The following MYO3A variants were observed in gnomAD, a reference collection of about 807,000 sequenced individuals.
The protein encoded by MYO3A is myosin-IIIa.
Under a neutral mutation model 192.7 loss-of-function variants are expected in MYO3A, and 180 were observed. The observed-to-expected ratio is 0.93, with a 90% CI of 0.83 to 1.06. The LOEUF (loss-of-function observed/expected upper bound fraction) is 1.06, where lower values mean the gene tolerates loss of function less well. Ranked by LOEUF, MYO3A falls within the 50% of genes least tolerant of loss-of-function variation. The pLI is 0.00. For synonymous variants in MYO3A, 628 were observed against 645.3 expected, an observed-to-expected ratio of 0.97 and a Z score of 0.41; for missense variants, 1,896 against 1,905.0, an observed-to-expected ratio of 1.00 and a Z score of 0.09.
chr10:25,952,787 G>C (rs184014282), intron 3 of MYO3A, among the ~76,000 whole-genome samples: 1 of 151,864 alleles, frequency 6.6e-6, no homozygotes, highest in Admixed American at 6.6e-5. Flanking sequence ...TTTATAATCA[G>C]GGCAAAGTTC....
rs1836370940 is a variant in MYO3A at position 25,939,951 on chromosome 10, T to C, written c.-18+4121T>C. ...TGATGAATTAAGTTTTTGATTACTA[T>C]GTAGTGGCCATCATGCCTCTAATAA... On this transcript the variant is annotated intron_variant, in intron 2 of 34. Transcript: ENST00000642920. 2.0e-5 allele frequency among the ~76,000 whole-genome samples: 3 copies of C among 152,104 alleles called. No homozygotes were observed. In the South Asian group the frequency reaches 6.2e-4, roughly 31 times the overall value.
At chr10:26,132,739 A>G (rs559133717) in intron 20 of MYO3A, among the ~76,000 whole-genome samples, 120 of 152,240 alleles carry the variant, frequency 7.9e-4, no homozygotes, top group Non-Finnish European at 1.5e-3. Context: ...TCATTTAGAC[A>G]TGCATCTATG....
At chr10:26,191,990 A>G (rs987878704) in intron 31 of MYO3A, among the ~76,000 whole-genome samples, 2 of 152,212 alleles carry the variant, frequency 1.3e-5, no homozygotes, top group African/African-American at 4.8e-5. Context: ...GAAGCTTTCC[A>G]ATAAGTACCA....
intron 34 of MYO3A, among the ~76,000 whole-genome samples, chr10:26,207,454 A>C (rs995683): frequency 6.6e-6 from 1 of 152,150 alleles, no homozygotes; most frequent in Non-Finnish European, 1.5e-5. Flanking sequence ...TGAGATTGCT[A>C]TTTGTAAGTG....
chr10:25,963,148 C>T (rs1341402625), intron 4 of MYO3A, among the ~76,000 whole-genome samples: 1 of 152,130 alleles, frequency 6.6e-6, no homozygotes, highest in Non-Finnish European at 1.5e-5. Flanking sequence ...TCTCATTGCT[C>T]CCCAATTATA....
chr10:25,989,762 C>T (rs1010331275), intron 4 of MYO3A, among the ~76,000 whole-genome samples: 1 of 152,110 alleles, frequency 6.6e-6, no homozygotes, highest in Non-Finnish European at 1.5e-5. Flanking sequence ...AAAATTCATT[C>T]AGTTTTTCAA....
At chr10:26,024,317 T>TAATC (rs774027609) in intron 9 of MYO3A, among the ~76,000 whole-genome samples, 31 of 152,202 alleles carry the variant, frequency 2.0e-4, no homozygotes, top group Non-Finnish European at 4.4e-4. Context: ...GGACCCTTTA[T>TAATC]AATCAATGGT....
chr10:26,173,796 G>A lies in MYO3A; in HGVS notation c.3532G>A (p.Ala1178Thr). The A allele has an allele frequency of 6.2e-7, 1 of 1,614,116 alleles. No homozygotes were observed. Among genetic ancestry groups the A allele is most frequent in the Non-Finnish European group, 8.5e-7 (1 of 1,180,016 alleles). The change falls in exon 30 of 35, where the codon GCT (alanine) becomes ACT (threonine). Residue 1178 changes from alanine (A) to threonine (T), a missense_variant. Physicochemically the swap from Ala to Thr is moderately conservative, Grantham distance 58. Coordinates refer to ENST00000642920, the MANE Select transcript of MYO3A (RefSeq NM_017433.5). The stretch of plus-strand genomic sequence containing the variant: ...CAAACCTGAAGAGGAAACCACCAAT[G>A]CTGTGGAGAGTAACAACAGAGTGTA... ...TFKPEEETTNAVESNNRVYQT... is the reference protein window; with the variant it reads ...TFKPEEETTNTVESNNRVYQT...
chr10:25,980,035 G>C (rs1447307219), intron 4 of MYO3A, among the ~76,000 whole-genome samples: 4 of 152,162 alleles, frequency 2.6e-5, no homozygotes, highest in Admixed American at 2.6e-4. Flanking sequence ...AGGAGATTGA[G>C]ACCATCCTGG....
intron 6 of MYO3A, among the ~76,000 whole-genome samples, chr10:26,004,937 A>T (rs949955833): frequency 6.6e-6 from 1 of 152,224 alleles, no homozygotes; most frequent in Non-Finnish European, 1.5e-5. Flanking sequence ...TTTAAAATTC[A>T]TCATTTGGTA....
intron 6 of MYO3A, 122 bp downstream of exon 6, chr10:25,997,380 T>G (rs1158007130): frequency 3.8e-6 from 3 of 779,430 alleles, no homozygotes; most frequent in Non-Finnish European, 6.7e-6. Flanking sequence ...CAGTAGTATC[T>G]TATTGAGGTA....
At chr10:26,104,341 T>C (rs1837658417) in intron 17 of MYO3A, among the ~76,000 whole-genome samples, 1 of 152,214 alleles carries the variant, frequency 6.6e-6, no homozygotes, top group Non-Finnish European at 1.5e-5. Context: ...ATTTAGGTCA[T>C]TGTTCCATTT....
intron 2 of MYO3A, among the ~76,000 whole-genome samples, chr10:25,936,847 G>A (rs1005965437): frequency 2.6e-5 from 4 of 152,016 alleles, no homozygotes; most frequent in South Asian, 2.1e-4. Flanking sequence ...CATACTGCAT[G>A]TAAAACTTTA....
intron 8 of MYO3A, 109 bp from the exon 9 acceptor site, chr10:26,023,913 T>C: frequency 1.0e-6 from 1 of 953,022 alleles, no homozygotes; most frequent in South Asian, 1.3e-5. Flanking sequence ...ATGGAATCCT[T>C]GATTACAACT....
intron 10 of MYO3A, among the ~76,000 whole-genome samples, chr10:26,051,433 A>G (rs1843995599): frequency 6.6e-6 from 1 of 151,752 alleles, no homozygotes; most frequent in Non-Finnish European, 1.5e-5. Flanking sequence ...AAAAATACTA[A>G]TCGTTGCTAC....
At chr10:25,974,083 C>T (rs368289904) in intron 4 of MYO3A, among the ~76,000 whole-genome samples, 1,641 of 152,096 alleles carry the variant, frequency 0.011, 25 homozygotes, top group African/African-American at 0.036. Context: ...AAGCCCAAAT[C>T]GACAAATGGG....
intron 7 of MYO3A, among the ~76,000 whole-genome samples, chr10:26,020,934 C>T (rs1000860759): frequency 6.6e-6 from 1 of 152,176 alleles, no homozygotes; most frequent in Non-Finnish European, 1.5e-5. Context: ...AAAACCACAT[C>T]AAGGTTTATT....
At chr10:26,115,070 C>A (rs1232645932) in intron 17 of MYO3A, among the ~76,000 whole-genome samples, 1 of 152,142 alleles carries the variant, frequency 6.6e-6, no homozygotes, top group Non-Finnish European at 1.5e-5. Flanking sequence ...GACAGGCAGT[C>A]AAGCACAAGA....
chr10:26,140,880 G>T (rs1421924681), intron 20 of MYO3A, among the ~76,000 whole-genome samples: 1 of 152,112 alleles, frequency 6.6e-6, no homozygotes, highest in African/African-American at 2.4e-5. Context: ...AATACAGTTA[G>T]TAACTCTGCT....
Sources: gnomAD v4.1 joint callset for allele counts (sites outside exome capture counted in the v4.1 genomes callset) on GRCh38, gnomAD v4.1.1 for gene constraint, MANE v1.5 for transcripts, NCBI Gene and HGNC (gene_info 2026-07-23, HGNC 2026-07-21) for gene names.